Variants in RARB observed in about 807,000 individuals in gnomAD.
RARB encodes retinoic acid receptor beta, also known as HBV-activated protein.
RARB carries 17 observed loss-of-function variants against 51.9 expected under a neutral mutation model. The ratio of observed to expected loss-of-function variants is 0.33; its 90% confidence interval spans 0.22 to 0.49. The LOEUF (loss-of-function observed/expected upper bound fraction) is 0.49, where lower values mean the gene tolerates loss of function less well. Ranked by LOEUF, RARB falls within the 20% of genes least tolerant of loss-of-function variation. The pLI, the probability that RARB is intolerant of heterozygous loss-of-function variation, is 0.99. For missense variants in RARB, 369 were observed against 550.8 expected, an observed-to-expected ratio of 0.67 and a Z score of 3.30; for synonymous variants, 215 against 195.4, an observed-to-expected ratio of 1.10 and a Z score of -0.84.
At chr3:24,960,101 C>G (rs1470368963) in intron 2 of RARB, among the ~76,000 whole-genome samples, 1 of 152,138 alleles carries the variant, frequency 6.6e-6, no homozygotes, top group Admixed American at 6.5e-5. Flanking sequence ...TCCTCCTCTT[C>G]TAGTTTCTCC....
chr3:25,145,044 C>T (rs959591130), intron 4 of RARB, among the ~76,000 whole-genome samples: 4 of 152,112 alleles, frequency 2.6e-5, no homozygotes, highest in South Asian at 4.1e-4. Context: ...TGGGCTCTAT[C>T]GTCAGTGGCA....
chr3:25,127,310 C>G (rs1464687569), intron 3 of RARB, among the ~76,000 whole-genome samples: 1 of 152,116 alleles, frequency 6.6e-6, no homozygotes, highest in Non-Finnish European at 1.5e-5. Context: ...TTGCCACGGC[C>G]CACCAGCCTT....
At chr3:25,402,994 C>A (rs887064609) in intron 5 of RARB, among the ~76,000 whole-genome samples, 18 of 152,038 alleles carry the variant, frequency 1.2e-4, no homozygotes, top group African/African-American at 4.3e-4. Flanking sequence ...GAAACCCCAT[C>A]TCTACTAAAA....
intron 2 of RARB, among the ~76,000 whole-genome samples, chr3:25,059,329 A>G (rs1698502083): frequency 6.6e-6 from 1 of 151,690 alleles, no homozygotes; most frequent in Admixed American, 6.6e-5. Context: ...TAAAAGTAAA[A>G]TTGCTTTGTT....
rs550145860 is a variant in RARB, at chr3:24,913,266, G to T, written c.-380+54514G>T. ...CCCAAAGTGCTGGGATTACAGGTGT[G>T]AGCCACCGCGCCCAGCCGGTACTGT... On this transcript the variant is annotated intron_variant, in intron 2 of 11. Transcript: ENST00000383772. Among the ~76,000 whole-genome samples the T allele has an allele frequency of 4.6e-3, 692 of 152,072 alleles. 2 individuals are homozygous for T. Among genetic ancestry groups the T allele is most frequent in the Middle Eastern group, 0.02 (6 of 294 alleles).
At chr3:25,129,839 G>C (rs1699917331) in intron 3 of RARB, among the ~76,000 whole-genome samples, 1 of 152,082 alleles carries the variant, frequency 6.6e-6, no homozygotes, top group Non-Finnish European at 1.5e-5. Flanking sequence ...TTTTGGTGCA[G>C]AGTGATGGAG....
chr3:25,056,766 G>C (rs890344497), intron 2 of RARB, among the ~76,000 whole-genome samples: 1 of 152,030 alleles, frequency 6.6e-6, no homozygotes, highest in African/African-American at 2.4e-5. Flanking sequence ...CATTTTGAGA[G>C]GATAGAATTC....
chr3:25,293,625 A>T (rs1703845099), intron 5 of RARB, among the ~76,000 whole-genome samples: 1 of 150,272 alleles, frequency 6.7e-6, no homozygotes, highest in African/African-American at 2.4e-5. Flanking sequence ...AAAAGTTCAG[A>T]GATAGGAAGC....
At chr3:25,328,791 A>G (rs998557364) in intron 5 of RARB, among the ~76,000 whole-genome samples, 2 of 152,194 alleles carry the variant, frequency 1.3e-5, no homozygotes, top group Non-Finnish European at 2.9e-5. Flanking sequence ...AAGCTGTGAC[A>G]GATGGTACCT....
chr3:24,879,663 CAAA>C (rs1319927103), intron 2 of RARB, among the ~76,000 whole-genome samples: 1 of 151,748 alleles, frequency 6.6e-6, no homozygotes, highest in African/African-American at 2.4e-5. Flanking sequence ...ATCTTTTAAA[CAAA>C]AAACCGAATC....
intron 5 of RARB, among the ~76,000 whole-genome samples, chr3:25,178,197 G>C (rs1477820607): frequency 1.3e-5 from 2 of 152,092 alleles, no homozygotes; most frequent in Non-Finnish European, 2.9e-5. Flanking sequence ...TTGCAGAAGA[G>C]AACTTGAAAG....
chr3:25,321,468 A>G (rs11129193), intron 5 of RARB, among the ~76,000 whole-genome samples: 76,771 of 151,910 alleles, frequency 0.51, 19,987 homozygotes, highest in East Asian at 0.88. Context: ...CTGTAATCCC[A>G]GCACTTTGGG....
At chr3:25,583,561 C>T (rs1338921378) in intron 5 of RARB, among the ~76,000 whole-genome samples, 3 of 152,244 alleles carry the variant, frequency 2.0e-5, no homozygotes, top group African/African-American at 7.2e-5. Flanking sequence ...CTGCGGGACA[C>T]GCAGCCGAGG....
At chr3:25,493,327 AC>A (rs2125594755) in intron 2 of RARB, among the ~76,000 whole-genome samples, 1 of 151,404 alleles carries the variant, frequency 6.6e-6, no homozygotes, top group African/African-American at 2.4e-5. Context: ...ATAGACTTCC[AC>A]TCTCTCCAGA....
chr3:24,894,550 A>T (rs1043141676), intron 2 of RARB, among the ~76,000 whole-genome samples: 1 of 151,992 alleles, frequency 6.6e-6, no homozygotes, highest in African/African-American at 2.4e-5. Flanking sequence ...TGTCTTTGCT[A>T]TTGTGAACAG....
At chr3:24,860,053 C>G (rs931439080) in intron 2 of RARB, among the ~76,000 whole-genome samples, 2 of 152,132 alleles carry the variant, frequency 1.3e-5, no homozygotes, top group East Asian at 1.9e-4. Context: ...AAGTCAAGTT[C>G]TGTGAACCTC....
At chr3:24,980,911 T>C (rs1172656903) in intron 2 of RARB, among the ~76,000 whole-genome samples, 1 of 152,228 alleles carries the variant, frequency 6.6e-6, no homozygotes, top group East Asian at 1.9e-4. Flanking sequence ...TTTATCTACC[T>C]TTGGTCTTTG....
chr3:25,236,133 T>G (rs1268303782), intron 5 of RARB, among the ~76,000 whole-genome samples: 1 of 152,130 alleles, frequency 6.6e-6, no homozygotes, highest in Non-Finnish European at 1.5e-5. Context: ...CATGATGTAG[T>G]TATAGCTCAT....
chr3:24,907,900 C>T (rs6772205), intron 2 of RARB, among the ~76,000 whole-genome samples: 117,416 of 151,664 alleles, frequency 0.77, 46,130 homozygotes, highest in African/African-American at 0.9. Flanking sequence ...AGGAAATACT[C>T]GTCTTCACGG....
Sources: gnomAD v4.1 joint callset for allele counts (sites outside exome capture counted in the v4.1 genomes callset) on GRCh38, gnomAD v4.1.1 for gene constraint, MANE v1.5 for transcripts, NCBI Gene and HGNC (gene_info 2026-07-23, HGNC 2026-07-21) for gene names.